The following TSHZ3 variants were observed in gnomAD, a reference collection of about 807,000 sequenced individuals.
TSHZ3 encodes teashirt zinc finger homeobox 3.
In TSHZ3, 10 loss-of-function variants were observed where a neutral mutation model predicts 64.5. The ratio of observed to expected loss-of-function variants is 0.16; its 90% CI spans 0.10 to 0.26. The LOEUF (loss-of-function observed/expected upper bound fraction) is 0.26, where lower values mean the gene tolerates loss of function less well. Among genes scored for constraint, TSHZ3 ranks in the 10% least tolerant of loss-of-function variants. TSHZ3 has a pLI of 1.00. For missense variants in TSHZ3, 1,242 were observed against 1,421.7 expected (o/e 0.87, Z 2.03); for synonymous variants, 608 against 593.1 (o/e 1.03, Z -0.36).
intron 1 of TSHZ3, among the ~76,000 whole-genome samples, chr19:31,263,906 G>A (rs373751871): frequency 1.1e-4 from 17 of 152,302 alleles, no homozygotes; most frequent in African/African-American, 4.1e-4. Flanking sequence ...AGTTGTACGG[G>A]GTAGCAGAAA....
chr19:31,340,631 G>C (rs1488369355), intron 1 of TSHZ3, among the ~76,000 whole-genome samples: 2 of 152,158 alleles, frequency 1.3e-5, no homozygotes, highest in Non-Finnish European at 2.9e-5. Context: ...TGTCAGTGCG[G>C]GCCCTGATTA....
At chr19:31,313,931 C>T (rs753767425) in intron 1 of TSHZ3, among the ~76,000 whole-genome samples, 1 of 152,214 alleles carries the variant, frequency 6.6e-6, no homozygotes, top group Non-Finnish European at 1.5e-5. Flanking sequence ...GAAGTCTTTG[C>T]GCCACAGAAT....
intron 5 of TSHZ3, among the ~76,000 whole-genome samples, chr19:31,178,316 T>A (rs1478006121): frequency 6.6e-6 from 1 of 152,140 alleles, no homozygotes; most frequent in East Asian, 1.9e-4. Flanking sequence ...AAATGTCAGT[T>A]GTTCCTCATT....
chr19:31,319,075 T>TACATCTGAATATAAAAAGC (rs1916689877), intron 1 of TSHZ3, among the ~76,000 whole-genome samples: 1 of 152,098 alleles, frequency 6.6e-6, no homozygotes, highest in African/African-American at 2.4e-5. Context: ...CCTGGGTGAG[T>TACATCTGAATATAAAAAGC]ACATCTGAAT....
At chr19:31,292,185 A>G (rs545554398) in intron 1 of TSHZ3, among the ~76,000 whole-genome samples, 13 of 152,318 alleles carry the variant, frequency 8.5e-5, no homozygotes, top group Non-Finnish European at 1.8e-4. Context: ...CTTCATCCAA[A>G]GAAAGGATTC....
rs575875347 is a variant in TSHZ3 at position 31,293,938 on chromosome 19, C to G, written c.41-14186G>C. On this transcript the variant is annotated intron_variant, in intron 1 of 1. Coordinates refer to ENST00000240587, the MANE Select transcript of TSHZ3 (RefSeq NM_020856.4). ...TTCCACCACCTTCCTCAACGGCTCT[C>G]GAATGCTGGGCTGAGAAGTCCCACG... Among the ~76,000 whole-genome samples, 302 of 152,278 alleles carry G rather than the reference C, an allele frequency of 2.0e-3. 1 individual carries two copies. Among genetic ancestry groups the G allele is most frequent in the Non-Finnish European group, 3.7e-3 (250 of 68,024 alleles).
intron 1 of TSHZ3, among the ~76,000 whole-genome samples, chr19:31,290,171 G>A (rs1387883166): frequency 1.3e-5 from 2 of 152,162 alleles, no homozygotes; most frequent in African/African-American, 4.8e-5. Flanking sequence ...CTGCTCAGAA[G>A]CAGCTGCCCC....
At chr19:31,306,991 C>A (rs955937036) in intron 1 of TSHZ3, among the ~76,000 whole-genome samples, 5 of 151,944 alleles carry the variant, frequency 3.3e-5, no homozygotes, top group Admixed American at 2.0e-4. Context: ...CTAAATATTT[C>A]TTTGACTATT....
downstream of TSHZ3, among the ~76,000 whole-genome samples, chr19:31,273,155 G>C (rs1976168925): frequency 6.6e-6 from 1 of 152,164 alleles, no homozygotes; most frequent in Non-Finnish European, 1.5e-5. Flanking sequence ...TTTCCAAGTA[G>C]GGGGAGACCG....
At chr19:31,152,430 G>C (rs774132722) in intron 6 of TSHZ3, among the ~76,000 whole-genome samples, 4 of 152,114 alleles carry the variant, frequency 2.6e-5, no homozygotes, top group Non-Finnish European at 4.4e-5. Flanking sequence ...TGGGAGGATT[G>C]CCGCTTCAGG....
At chr19:31,240,747 T>G (rs990593435) in intron 3 of TSHZ3, among the ~76,000 whole-genome samples, 1 of 152,186 alleles carries the variant, frequency 6.6e-6, no homozygotes, top group South Asian at 2.1e-4. Flanking sequence ...AAAATGCTAT[T>G]GATTTATAAA....
chr19:31,174,933 C>T (rs980426081), intron 5 of TSHZ3, among the ~76,000 whole-genome samples: 2 of 152,204 alleles, frequency 1.3e-5, no homozygotes, highest in Non-Finnish European at 2.9e-5. Flanking sequence ...TGCATTCTGG[C>T]TTTTATTTTT....
At chr19:31,236,837 G>T (rs1195419235) in intron 3 of TSHZ3, among the ~76,000 whole-genome samples, 1 of 152,174 alleles carries the variant, frequency 6.6e-6, no homozygotes, top group African/African-American at 2.4e-5. Flanking sequence ...CAAGCAAAAA[G>T]CTTTTGTACA....
chr19:31,236,206 A>T (rs1017929823), intron 3 of TSHZ3, among the ~76,000 whole-genome samples: 3 of 152,156 alleles, frequency 2.0e-5, no homozygotes, highest in African/African-American at 7.2e-5. Context: ...TTTTTTGAGG[A>T]AACTCTGCAC....
chr19:31,337,011 C>CTTTTTTTT (rs1429929065), intron 1 of TSHZ3, among the ~76,000 whole-genome samples: 2 of 107,656 alleles, frequency 1.9e-5, no homozygotes, highest in Non-Finnish European at 1.9e-5. Flanking sequence ...TTCTTTTTTT[C>CTTTTTTTT]TATTTTTTTT....
intron 1 of TSHZ3, among the ~76,000 whole-genome samples, chr19:31,330,120 CTTT>C (rs113308669): frequency 6.9e-6 from 1 of 145,280 alleles, no homozygotes. Context: ...GGTCAAGATC[CTTT>C]TTTTTTTTTT....
At chr19:31,214,112 C>T (rs1278255047) in intron 4 of TSHZ3, among the ~76,000 whole-genome samples, 1 of 152,216 alleles carries the variant, frequency 6.6e-6, no homozygotes, top group Non-Finnish European at 1.5e-5. Flanking sequence ...AATTCTCAAA[C>T]CAAATGAGGT....
rs981813484 is a variant in TSHZ3 at position 31,226,982 on chromosome 19, T to C, written n.686+1023A>G. On this transcript the variant is annotated intron_variant and non_coding_transcript_variant, in intron 4 of 6. Transcript: ENST00000651361. ...TTCTCTTTCTTTCTTTCTTTCTTTTTTTTTTTTTTTTTTTGAGATGGAATT... is the reference window on the plus strand; with the variant it reads ...TTCTCTTTCTTTCTTTCTTTCTTTTCTTTTTTTTTTTTTTGAGATGGAATT... Among the ~76,000 whole-genome samples, 28 of 132,838 alleles carry C rather than the reference T, an allele frequency of 2.1e-4. 1 individual carries two copies. In the Admixed American group the frequency reaches 2.1e-3, roughly 10 times the overall value. 87.1% of individuals were successfully genotyped at this position (132,838 alleles called of 152,430 possible).
chr19:31,241,859 T>C (rs114125986), intron 3 of TSHZ3, among the ~76,000 whole-genome samples: 1,827 of 152,332 alleles, frequency 0.012, 34 homozygotes, highest in African/African-American at 0.042. Flanking sequence ...TCATACGTTG[T>C]GTCTAGTTTT....
Sources: gnomAD v4.1 joint callset for allele counts (sites outside exome capture counted in the v4.1 genomes callset) on GRCh38, gnomAD v4.1.1 for gene constraint, MANE v1.5 for transcripts, NCBI Gene and HGNC (gene_info 2026-07-23, HGNC 2026-07-21) for gene names.